PCBP3: variants seen among roughly 807,000 people sequenced by gnomAD.
PCBP3 encodes poly(rC) binding protein 3, also known as poly(rC)-binding protein 3.
PCBP3 carries 25 observed loss-of-function variants against 52.7 expected under a neutral mutation model. The observed-to-expected ratio is 0.47, with a 90% CI of 0.35 to 0.66. PCBP3 has a LOEUF of 0.66. PCBP3 is among the 30% of genes least tolerant of loss of function. PCBP3 has a pLI of 0.01. For missense variants in PCBP3, 391 were observed against 490.3 expected, an observed-to-expected ratio of 0.80 and a Z score of 1.91; for synonymous variants, 162 against 183.0, an observed-to-expected ratio of 0.89 and a Z score of 0.93.
At chr21:45,744,040 A>T (rs1285263425) in intron 3 of PCBP3, among the ~76,000 whole-genome samples, 1 of 145,666 alleles carries the variant, frequency 6.9e-6, no homozygotes, top group Non-Finnish European at 1.5e-5. Context: ...ATTTTCTTAT[A>T]CACCAATGGT....
At chr21:45,677,450 G>A (rs1264350491) in intron 2 of PCBP3, among the ~76,000 whole-genome samples, 4 of 152,320 alleles carry the variant, frequency 2.6e-5, no homozygotes, top group East Asian at 1.9e-4. Context: ...AGAAGTCTCC[G>A]TAACATAAAA....
intron 2 of PCBP3, among the ~76,000 whole-genome samples, chr21:45,715,760 G>A (rs1018416441): frequency 6.6e-6 from 1 of 152,136 alleles, no homozygotes; most frequent in Non-Finnish European, 1.5e-5. Flanking sequence ...AGCTTTTCAT[G>A]TGCTTACTGG....
At chr21:45,832,399 G>A (rs1182264238) in intron 4 of PCBP3, among the ~76,000 whole-genome samples, 4 of 152,122 alleles carry the variant, frequency 2.6e-5, no homozygotes, top group Non-Finnish European at 5.9e-5. Context: ...CCAAGACTTA[G>A]AATGCTTAAC....
At chr21:45,929,839 G>A (rs1205757374) in intron 13 of PCBP3, 78 bp from the exon 14 acceptor site, 2 of 1,065,938 alleles carry the variant, frequency 1.9e-6, no homozygotes, top group Non-Finnish European at 2.9e-6. Flanking sequence ...GCAAAGTTCT[G>A]TTACTGCCGT....
chr21:45,906,418 G>T (rs1163422507), intron 9 of PCBP3, among the ~76,000 whole-genome samples: 1 of 151,976 alleles, frequency 6.6e-6, no homozygotes, highest in Non-Finnish European at 1.5e-5. Context: ...GGGTCGGGCC[G>T]GGGAGGCCTT....
At chr21:45,889,841 T>TC (rs1276606356) in intron 5 of PCBP3, among the ~76,000 whole-genome samples, 3 of 152,112 alleles carry the variant, frequency 2.0e-5, no homozygotes, top group African/African-American at 2.4e-5. Flanking sequence ...CAGCTTCTGA[T>TC]CCCCCCAGAT....
intron 4 of PCBP3, among the ~76,000 whole-genome samples, chr21:45,816,130 G>C (rs2092946806): frequency 1.3e-5 from 2 of 151,542 alleles, no homozygotes; most frequent in Admixed American, 6.6e-5. Context: ...TGAGTGGTGA[G>C]TGGTGGGTGA....
At chr21:45,687,523 AAGTT>A (rs1283569372) in intron 2 of PCBP3, among the ~76,000 whole-genome samples, 1 of 152,232 alleles carries the variant, frequency 6.6e-6, no homozygotes, top group Non-Finnish European at 1.5e-5. Flanking sequence ...AACAAGTAGT[AAGTT>A]AGTAAATTTA....
chr21:45,734,573 C>G (rs1265275948), intron 2 of PCBP3, among the ~76,000 whole-genome samples: 1 of 152,128 alleles, frequency 6.6e-6, no homozygotes, highest in South Asian at 2.1e-4. Flanking sequence ...GCCTTTGCCT[C>G]CCTGAATTCT....
At chr21:45,862,070 A>G (rs2094530932) in intron 5 of PCBP3, among the ~76,000 whole-genome samples, 1 of 147,528 alleles carries the variant, frequency 6.8e-6, no homozygotes, top group Non-Finnish European at 1.5e-5. Flanking sequence ...GGACCCTGCT[A>G]GTTTTCTTGA....
chr21:45,898,213 T>C lies in PCBP3; in HGVS notation c.166-1386T>C, dbSNP rs528004798. On this transcript the variant is annotated intron_variant, in intron 6 of 17. Coordinates refer to ENST00000681687, the MANE Select transcript of PCBP3 (RefSeq NM_001384156.1). ...AGCAGCAGCGGCCATGCCACCCAGC[T>C]GCACTCTGTGGGGGAGGTGCCATGA... Among the ~76,000 whole-genome samples, 17 of 152,320 alleles carry C rather than the reference T, an allele frequency of 1.1e-4. No homozygotes were observed. The East Asian group carries it at 3.3e-3, about 29-fold the overall frequency.
At chr21:45,923,497 G>T (rs557342353) in intron 13 of PCBP3, among the ~76,000 whole-genome samples, 1 of 152,312 alleles carries the variant, frequency 6.6e-6, no homozygotes, top group East Asian at 1.9e-4. Flanking sequence ...GGCCCCAGTG[G>T]CACGGCTCTC....
At chr21:45,930,361 T>C (rs1905519752) in intron 14 of PCBP3, among the ~76,000 whole-genome samples, 1 of 152,136 alleles carries the variant, frequency 6.6e-6, no homozygotes, top group Admixed American at 6.5e-5. Flanking sequence ...CCTGGAGGCT[T>C]TTCTCTCCAG....
At chr21:45,646,083 T>TTCTCTCTCTC (rs1164554233) in intron 1 of PCBP3, among the ~76,000 whole-genome samples, 4 of 99,616 alleles carry the variant, frequency 4.0e-5, no homozygotes, top group Non-Finnish European at 7.9e-5. Context: ...CTCTCTCTCT[T>TTCTCTCTCTC]TCTCTCTCTC....
chr21:45,698,126 AAAT>A (rs1006406924), intron 2 of PCBP3, among the ~76,000 whole-genome samples: 8 of 152,200 alleles, frequency 5.3e-5, no homozygotes, highest in African/African-American at 1.4e-4. Context: ...CTAGGGAATA[AAAT>A]AATAATAACT....
At chr21:45,689,899 T>C (rs2082362516) in intron 2 of PCBP3, among the ~76,000 whole-genome samples, 1 of 151,958 alleles carries the variant, frequency 6.6e-6, no homozygotes, top group Admixed American at 6.6e-5. Flanking sequence ...TGATGTGCAC[T>C]GACTGGAAGA....
intron 5 of PCBP3, chr21:45,872,105 G>C (rs549910982): frequency 6.6e-6 from 1 of 152,488 alleles, no homozygotes; most frequent in Admixed American, 6.5e-5. Context: ...CACGCCTTAA[G>C]TGAGCTGGAG....
chr21:45,706,947 A>G (rs1281484305), intron 2 of PCBP3, among the ~76,000 whole-genome samples: 1 of 152,220 alleles, frequency 6.6e-6, no homozygotes, highest in Non-Finnish European at 1.5e-5. Flanking sequence ...TAAAAAGATG[A>G]CAGAAAATCT....
chr21:45,809,851 A>G (rs1461955048), intron 4 of PCBP3, among the ~76,000 whole-genome samples: 1 of 152,192 alleles, frequency 6.6e-6, no homozygotes, highest in Non-Finnish European at 1.5e-5. Context: ...GCATACACAC[A>G]TCCTCTTGAG....
Sources: gnomAD v4.1 joint callset for allele counts (sites outside exome capture counted in the v4.1 genomes callset) on GRCh38, gnomAD v4.1.1 for gene constraint, MANE v1.5 for transcripts, NCBI Gene and HGNC (gene_info 2026-07-23, HGNC 2026-07-21) for gene names.